Variants in KDM1A observed in about 807,000 individuals in gnomAD.
The protein encoded by KDM1A is lysine demethylase 1A, also known as lysine-specific histone demethylase 1A.
KDM1A carries 49 observed loss-of-function variants against 109.4 expected under a neutral mutation model. The observed-to-expected ratio is 0.45, with a 90% CI of 0.36 to 0.57. The LOEUF (loss-of-function observed/expected upper bound fraction) is 0.57. Ranked by LOEUF, KDM1A falls within the 20% of genes least tolerant of loss-of-function variation. The probability of loss-of-function intolerance (pLI) is 0.00; values close to 1 mark genes in which losing one functional copy is unlikely to be tolerated. For synonymous variants in KDM1A, 380 were observed against 415.4 expected (o/e 0.91, Z 1.04); for missense variants, 668 against 1,116.6 (o/e 0.60, Z 5.73).
chr1:23,081,642 C>G, intron 19 of KDM1A, 69 bp downstream of exon 19: 1 of 1,564,040 alleles, frequency 6.4e-7, no homozygotes, highest in Non-Finnish European at 8.8e-7. Context: ...GTATTTGCAG[C>G]ATGTTCTTGG....
intron 1 of KDM1A, 71 bp downstream of exon 1, chr1:23,020,018 C>G: frequency 7.3e-7 from 1 of 1,373,348 alleles, no homozygotes; most frequent in Non-Finnish European, 9.5e-7. Flanking sequence ...CCGCCCTCCC[C>G]CGCCGCCGCC....
At chr1:23,059,322 G>T in intron 9 of KDM1A, 155 bp downstream of exon 9, 1 of 720,620 alleles carries the variant, frequency 1.4e-6, no homozygotes, top group African/African-American at 1.8e-5. Flanking sequence ...TATTCTGGTT[G>T]TTTCTTAACT....
At chr1:23,048,155 T>C (rs1251318363) in intron 3 of KDM1A, among the ~76,000 whole-genome samples, 1 of 152,134 alleles carries the variant, frequency 6.6e-6, no homozygotes, top group Non-Finnish European at 1.5e-5. Flanking sequence ...ATACCAAGAA[T>C]TGACCTATTT....
At chr1:23,075,432 A>G (rs1415530073) in intron 15 of KDM1A, among the ~76,000 whole-genome samples, 2 of 152,060 alleles carry the variant, frequency 1.3e-5, no homozygotes, top group African/African-American at 4.8e-5. Flanking sequence ...TTAGCCGGGC[A>G]TGGTGGCGGG....
chr1:23,027,149 A>C (rs1468119322), intron 1 of KDM1A, among the ~76,000 whole-genome samples: 1 of 152,122 alleles, frequency 6.6e-6, no homozygotes, highest in Non-Finnish European at 1.5e-5. Flanking sequence ...ACACACTACT[A>C]TTAAGTAGTA....
In KDM1A at chr1:23,030,383, A is replaced by G. The variant is rs189520263; in HGVS notation, c.352-86A>G. On this transcript the variant is annotated intron_variant, in intron 1 of 20. Coordinates refer to ENST00000400181, the MANE Select transcript of KDM1A (RefSeq NM_001009999.3). ...CTTCCCTTAAAATGTGAGGTTAACA[A>G]TTTACATTGACTGATGGTTCCAAAT... 65 of 1,054,096 alleles carry G rather than the reference A, an allele frequency of 6.2e-5. 1 individual carries two copies. In the Admixed American group the frequency reaches 1.5e-3, roughly 24 times the overall value. 65.3% of individuals were successfully genotyped at this position (1,054,096 alleles called of 1,614,324 possible).
chr1:23,026,020 GGCAGAGGTT>G (rs1569622803), intron 1 of KDM1A, among the ~76,000 whole-genome samples: 1 of 152,174 alleles, frequency 6.6e-6, no homozygotes, highest in East Asian at 1.9e-4. Flanking sequence ...GAGCCTGGGA[GGCAGAGGTT>G]GCAGTGAGCT....
chr1:23,027,289 A>C (rs1256238252), intron 1 of KDM1A, among the ~76,000 whole-genome samples: 1 of 152,040 alleles, frequency 6.6e-6, no homozygotes, highest in East Asian at 1.9e-4. Context: ...TTTTTCCCCC[A>C]GCGACTAGAC....
At chr1:23,042,083 G>A (rs1642354233) in intron 2 of KDM1A, among the ~76,000 whole-genome samples, 1 of 152,134 alleles carries the variant, frequency 6.6e-6, no homozygotes, top group African/African-American at 2.4e-5. Flanking sequence ...TGGAAAAGAA[G>A]GGAAATGAGA....
At chr1:23,077,444 T>TG in intron 16 of KDM1A, 84 bp downstream of exon 16, 8 of 1,376,442 alleles carry the variant, frequency 5.8e-6, no homozygotes, top group Non-Finnish European at 7.9e-6. Flanking sequence ...ATCAGGTACA[T>TG]TTCCTGATAG....
chr1:23,071,995 AAT>A, intron 13 of KDM1A, 127 bp from the exon 14 acceptor site: 1 of 626,870 alleles, frequency 1.6e-6, no homozygotes, highest in South Asian at 2.3e-5. Context: ...CCCAGCCTAA[AAT>A]TGAGCCACAC....
chr1:23,030,116 A>G (rs1435400879), intron 1 of KDM1A, among the ~76,000 whole-genome samples: 1 of 152,166 alleles, frequency 6.6e-6, no homozygotes, highest in Non-Finnish European at 1.5e-5. Context: ...AGTTAACTAT[A>G]TTTTTGTCTG....
intron 9 of KDM1A, among the ~76,000 whole-genome samples, chr1:23,061,614 G>A (rs1643003187): frequency 6.6e-6 from 1 of 151,380 alleles, no homozygotes; most frequent in South Asian, 2.1e-4. Flanking sequence ...GTCTCCAGTA[G>A]TCTGTCTCAG....
At chr1:23,064,377 T>G (rs991645536) in intron 9 of KDM1A, among the ~76,000 whole-genome samples, 9 of 152,240 alleles carry the variant, frequency 5.9e-5, no homozygotes, top group African/African-American at 2.2e-4. Context: ...CTAGAAGTGC[T>G]CGATGGCATG....
chr1:23,071,073 G>A (rs1643305405), intron 12 of KDM1A, 152 bp from the exon 13 acceptor site: 11 of 616,974 alleles, frequency 1.8e-5, no homozygotes, highest in South Asian at 1.7e-4. Flanking sequence ...AATGATGTAG[G>A]TTAGAACAAG....
intron 9 of KDM1A, among the ~76,000 whole-genome samples, chr1:23,062,695 G>A (rs1009905681): frequency 2.6e-5 from 4 of 152,280 alleles, no homozygotes; most frequent in African/African-American, 9.6e-5. Context: ...TTTGTAGCTA[G>A]TATATTGAGT....
At chr1:23,026,514 C>G (rs554252730) in intron 1 of KDM1A, among the ~76,000 whole-genome samples, 10 of 151,794 alleles carry the variant, frequency 6.6e-5, no homozygotes, top group African/African-American at 2.2e-4. Flanking sequence ...CGTAGCCCCC[C>G]CAAGTAGCTG....
chr1:23,070,474 GAAAA>G (rs879802757), intron 12 of KDM1A, among the ~76,000 whole-genome samples: 1 of 128,268 alleles, frequency 7.8e-6, no homozygotes, highest in African/African-American at 2.9e-5. Context: ...GTGTCTCTTA[GAAAA>G]AAAAAAAAAA....
At chr1:23,025,870 T>G (rs1641782332) in intron 1 of KDM1A, among the ~76,000 whole-genome samples, 1 of 151,986 alleles carries the variant, frequency 6.6e-6, no homozygotes, top group African/African-American at 2.4e-5. Flanking sequence ...GGTGGACAGA[T>G]CGATTGAGCC....
Sources: allele counts gnomAD v4.1 joint callset (sites outside exome capture counted in the v4.1 genomes callset), GRCh38; gene constraint gnomAD v4.1.1; transcripts MANE v1.5; gene names NCBI Gene and HGNC (gene_info 2026-07-23, HGNC 2026-07-21).